SH3D19: variants seen among roughly 807,000 people sequenced by gnomAD.
SH3D19 encodes the protein SH3 domain containing 19, also known as SH3 domain-containing protein 19.
A neutral mutation model predicts 112.1 loss-of-function variants in SH3D19; 58 were observed. The observed-to-expected ratio is 0.52, with a 90% confidence interval of 0.42 to 0.64. The LOEUF (loss-of-function observed/expected upper bound fraction) is 0.64, where lower values mean the gene tolerates loss of function less well. Among genes scored for constraint, SH3D19 ranks in the 30% least tolerant of loss-of-function variants. SH3D19 has a pLI of 0.00. For synonymous variants in SH3D19, 391 were observed against 448.5 expected, an observed-to-expected ratio of 0.87 and a Z score of 1.62; for missense variants, 1,090 against 1,263.4, an observed-to-expected ratio of 0.86 and a Z score of 2.08.
chr4:151,155,160 TCTCA>T (rs1755852205), intron 9 of SH3D19, among the ~76,000 whole-genome samples: 2 of 152,216 alleles, frequency 1.3e-5, no homozygotes, highest in African/African-American at 2.4e-5. Context: ...CTCATCACCC[TCTCA>T]CTCCTTTTTA....
At chr4:151,229,403 A>G (rs757140680) in intron 1 of SH3D19, among the ~76,000 whole-genome samples, 11 of 152,208 alleles carry the variant, frequency 7.2e-5, no homozygotes, top group Non-Finnish European at 1.5e-4. Flanking sequence ...CCAGCAGAGC[A>G]TGATGGTTTA....
At chr4:151,287,752 C>T (rs1037854844) in intron 1 of SH3D19, among the ~76,000 whole-genome samples, 3 of 152,066 alleles carry the variant, frequency 2.0e-5, no homozygotes, top group Non-Finnish European at 4.4e-5. Context: ...AAATATTAGC[C>T]ACCTGTAGTC....
At chr4:151,241,576 T>TAATATAATATA (rs1264906708) in intron 1 of SH3D19, among the ~76,000 whole-genome samples, 3,645 of 150,746 alleles carry the variant, frequency 0.024, 180 homozygotes, top group African/African-American at 0.086. Context: ...ATCTAATTTA[T>TAATATAATATA]TTATTTAAGA....
intron 2 of SH3D19, among the ~76,000 whole-genome samples, chr4:151,206,453 T>C (rs1765126910): frequency 6.6e-6 from 1 of 152,192 alleles, no homozygotes; most frequent in Non-Finnish European, 1.5e-5. Flanking sequence ...ATACAACATA[T>C]TATATGGCAT....
At chr4:151,244,771 C>G (rs1470645212) in intron 1 of SH3D19, among the ~76,000 whole-genome samples, 1 of 152,204 alleles carries the variant, frequency 6.6e-6, no homozygotes, top group Non-Finnish European at 1.5e-5. Context: ...CCAAGTGTCA[C>G]TGGGTGTAGC....
intron 1 of SH3D19, among the ~76,000 whole-genome samples, chr4:151,228,492 G>C (rs150266966): frequency 6.6e-6 from 1 of 151,456 alleles, no homozygotes; most frequent in African/African-American, 2.4e-5. Context: ...TGTGTGTTGC[G>C]TATCTGTGTG....
At chr4:151,161,641 T>TA (rs1283164663) in intron 8 of SH3D19, among the ~76,000 whole-genome samples, 20 of 144,216 alleles carry the variant, frequency 1.4e-4, no homozygotes, top group Admixed American at 8.4e-4. Context: ...TATATATATA[T>TA]TTTAATTATA....
chr4:151,193,905 C>T (rs950738079), intron 2 of SH3D19, among the ~76,000 whole-genome samples: 1 of 151,842 alleles, frequency 6.6e-6, no homozygotes, highest in East Asian at 1.9e-4. Flanking sequence ...CTTTCCTTCA[C>T]AGTCAACCTA....
intron 1 of SH3D19, among the ~76,000 whole-genome samples, chr4:151,316,534 C>T (rs539114557): frequency 6.6e-6 from 1 of 152,022 alleles, no homozygotes; most frequent in African/African-American, 2.4e-5. Context: ...ACTATCTTCA[C>T]AATTTTTCTG....
chr4:151,213,675 A>ATTTATTT (rs1561354124), intron 2 of SH3D19, among the ~76,000 whole-genome samples: 1 of 150,344 alleles, frequency 6.7e-6, no homozygotes, highest in African/African-American at 2.5e-5. Context: ...TGAATTAATT[A>ATTTATTT]ATTAATTAAT....
chr4:151,140,359 T>C (rs1468550035), intron 12 of SH3D19: 1 of 152,492 alleles, frequency 6.6e-6, no homozygotes, highest in African/African-American at 2.4e-5. Context: ...GTAAAATCCA[T>C]TTCATTTATT....
intron 2 of SH3D19, 74 bp downstream of exon 2, chr4:151,225,973 C>CA (rs1412312279): frequency 9.6e-7 from 1 of 1,038,590 alleles, no homozygotes; most frequent in African/African-American, 1.6e-5. Flanking sequence ...AAAGAGGACA[C>CA]TTACATTGCT....
chr4:151,165,789 C>T (rs1053005069), intron 7 of SH3D19, 93 bp from the exon 8 acceptor site: 2 of 1,069,168 alleles, frequency 1.9e-6, no homozygotes, highest in Admixed American at 2.1e-5. Flanking sequence ...ATTTTTCATG[C>T]CCCTGGGGAA....
At chr4:151,307,911 TTTTA>T (rs1729078604) in intron 1 of SH3D19, among the ~76,000 whole-genome samples, 1 of 152,176 alleles carries the variant, frequency 6.6e-6, no homozygotes, top group African/African-American at 2.4e-5. Context: ...TCTTTATTTA[TTTTA>T]TTATTATTTT....
intron 2 of SH3D19, among the ~76,000 whole-genome samples, chr4:151,188,630 T>A (rs988015232): frequency 2.6e-5 from 4 of 152,214 alleles, no homozygotes; most frequent in Non-Finnish European, 4.4e-5. Context: ...GTAACAGCCC[T>A]CTTAGTGAAT....
chr4:151,257,633 G>C (rs775761494), intron 1 of SH3D19, among the ~76,000 whole-genome samples: 2 of 151,974 alleles, frequency 1.3e-5, no homozygotes. Context: ...AATAGTAACC[G>C]TGGCTGGGTG....
intron 1 of SH3D19, among the ~76,000 whole-genome samples, chr4:151,318,275 T>TAGGCGAC (rs1315427141): frequency 8.3e-6 from 1 of 121,036 alleles, no homozygotes; most frequent in Non-Finnish European, 1.6e-5. Context: ...CACTCCAGCC[T>TAGGCGAC]AGGCGACAGA....
At chr4:151,317,226 T>C (rs1051944268) in intron 1 of SH3D19, among the ~76,000 whole-genome samples, 1 of 152,234 alleles carries the variant, frequency 6.6e-6, no homozygotes, top group African/African-American at 2.4e-5. Context: ...TCTAACTTAG[T>C]ACATGGGCAA....
chr4:151,213,861 A>AT (rs1211417335), intron 2 of SH3D19, among the ~76,000 whole-genome samples: 14 of 147,808 alleles, frequency 9.5e-5, no homozygotes, highest in East Asian at 4.0e-4. Context: ...TAACTTTTAA[A>AT]TTTTTTTTTT....
Sources: allele counts gnomAD v4.1 joint callset (sites outside exome capture counted in the v4.1 genomes callset), GRCh38; gene constraint gnomAD v4.1.1; transcripts MANE v1.5; gene names NCBI Gene and HGNC (gene_info 2026-07-23, HGNC 2026-07-21).